The following PSD3 variants were observed in gnomAD, a reference collection of about 807,000 sequenced individuals.
PSD3 encodes the protein pleckstrin and Sec7 domain containing 3.
Under a neutral mutation model 105.5 loss-of-function variants are expected in PSD3, and 49 were observed. The observed-to-expected ratio is 0.46, with a 90% CI of 0.37 to 0.59. The LOEUF (loss-of-function observed/expected upper bound fraction) is 0.59. PSD3 is among the 20% of genes least tolerant of loss of function. The pLI is 0.00. For missense variants in PSD3, 1,561 were observed against 1,263.8 expected (o/e 1.24, Z -3.57); for synonymous variants, 557 against 457.8 (o/e 1.22, Z -2.77).
chr8:18,846,092 A>T (rs1178432862), intron 4 of PSD3, among the ~76,000 whole-genome samples: 3 of 152,218 alleles, frequency 2.0e-5, no homozygotes, highest in Admixed American at 2.0e-4. Context: ...ACCCTGTGGA[A>T]GCAAAAGAAA....
rs112976885 is a variant in PSD3, at chr8:18,785,619, G to T, written c.2082+13676C>A. ...GAATGGCACTTTTAATTTCCTTCAA[G>T]AACTTTTCCTTTACATTACAACTTT... On this transcript the variant is annotated intron_variant, in intron 8 of 15. Transcript: ENST00000327040. 4.7e-3 allele frequency among the ~76,000 whole-genome samples: 715 copies of T among 152,210 alleles called. 7 individuals carry two copies. The highest frequency in any genetic ancestry group is 0.016 in the African/African-American group (670 of 41,520).
intron 9 of PSD3, among the ~76,000 whole-genome samples, chr8:18,702,998 C>T (rs897630778): frequency 8.5e-5 from 13 of 152,098 alleles, no homozygotes; most frequent in East Asian, 1.9e-4. Flanking sequence ...AAATGTCTTT[C>T]TCCATGTCTT....
chr8:18,920,449 C>T (rs184119665), intron 2 of PSD3, among the ~76,000 whole-genome samples: 5 of 152,136 alleles, frequency 3.3e-5, no homozygotes, highest in Non-Finnish European at 4.4e-5. Context: ...ACAGATACAG[C>T]GGTATTGAAA....
intron 15 of PSD3, among the ~76,000 whole-genome samples, chr8:18,555,772 T>C (rs1041661124): frequency 1.1e-4 from 17 of 152,130 alleles, no homozygotes; most frequent in East Asian, 1.9e-4. Flanking sequence ...GAAAAACGCA[T>C]AGTGTTGCCG....
At chr8:18,683,643 C>T in intron 9 of PSD3, 2 of 624,646 alleles carry the variant, frequency 3.2e-6, no homozygotes, top group Non-Finnish European at 5.8e-6. Flanking sequence ...GCACCTGATT[C>T]TCTTAGAACC....
chr8:18,574,561 T>C (rs1328997994), intron 13 of PSD3, among the ~76,000 whole-genome samples: 1 of 152,184 alleles, frequency 6.6e-6, no homozygotes, highest in Non-Finnish European at 1.5e-5. Context: ...CACAGTAGAA[T>C]GACATCTTTT....
At chr8:18,948,683 T>C (rs1247302574) in intron 1 of PSD3, among the ~76,000 whole-genome samples, 1 of 152,202 alleles carries the variant, frequency 6.6e-6, no homozygotes, top group Non-Finnish European at 1.5e-5. Flanking sequence ...AGAAATTGCA[T>C]AAGCATCAGC....
chr8:18,835,185 C>T (rs1814004179), intron 4 of PSD3, among the ~76,000 whole-genome samples: 1 of 152,124 alleles, frequency 6.6e-6, no homozygotes, highest in Non-Finnish European at 1.5e-5. Context: ...TAAGAACCAG[C>T]AATTATATGT....
rs72253853 is a variant in PSD3 at position 18,913,086 on chromosome 8, A to AACACACACACACAC, written c.130+22934_130+22947dup. Among the ~76,000 whole-genome samples, 6 of 130,542 alleles carry AACACACACACACAC rather than the reference A, an allele frequency of 4.6e-5. No individual in the cohort carries two copies. In the South Asian group the frequency reaches 1.6e-3, roughly 34 times the overall value. The allele number at this position is 130,542 out of a possible 152,430, so 85.6% of individuals were successfully genotyped here. ...CTTTATAAACACACACACACACACAAACACACACACACACACACACACACA... is the reference window on the plus strand; with the variant it reads ...CTTTATAAACACACACACACACACAAACACACACACACACACACACACACACACACACACACACA... On this transcript the variant is annotated intron_variant, in intron 2 of 15. Coordinates refer to ENST00000327040, the MANE Select transcript of PSD3 (RefSeq NM_015310.4).
intron 1 of PSD3, among the ~76,000 whole-genome samples, chr8:18,993,320 T>C (rs1825904552): frequency 6.6e-6 from 1 of 152,188 alleles, no homozygotes; most frequent in Non-Finnish European, 1.5e-5. Context: ...CATGATTTTT[T>C]CACCACTCAC....
chr8:18,926,573 T>A (rs1002429074), intron 2 of PSD3, among the ~76,000 whole-genome samples: 2 of 152,092 alleles, frequency 1.3e-5, no homozygotes, highest in Non-Finnish European at 2.9e-5. Flanking sequence ...CACAATGAGA[T>A]ACTACTTCAT....
chr8:18,983,937 C>G (rs375520968), intron 1 of PSD3, among the ~76,000 whole-genome samples: 19 of 149,094 alleles, frequency 1.3e-4, no homozygotes, highest in African/African-American at 4.7e-4. Context: ...CAAAAAAGTT[C>G]AAGATTGCAG....
chr8:18,916,772 G>A (rs1448318060), intron 2 of PSD3, among the ~76,000 whole-genome samples: 1 of 151,796 alleles, frequency 6.6e-6, no homozygotes, highest in Non-Finnish European at 1.5e-5. Context: ...TAAAGAATAT[G>A]TTAATTAATT....
chr8:18,754,584 G>T (rs1805871824), intron 9 of PSD3, among the ~76,000 whole-genome samples: 1 of 151,970 alleles, frequency 6.6e-6, no homozygotes, highest in African/African-American at 2.4e-5. Flanking sequence ...TATGCCAGGG[G>T]GAGGATCAGG....
At position 18,747,814 on chromosome 8, in the gene PSD3, T is replaced by TA. The variant is rs369511609; in HGVS notation, c.2172+17634dup. 4.0e-3 allele frequency among the ~76,000 whole-genome samples: 558 copies of TA among 139,460 alleles called. 6 individuals carry two copies. Among genetic ancestry groups the TA allele is most frequent in the Non-Finnish European group, 6.0e-3 (388 of 64,204 alleles). 91.5% of individuals were successfully genotyped at this position (139,460 alleles called of 152,430 possible). The stretch of plus-strand genomic sequence containing the variant: ...AGGCTATTTTTCTTATCAAAGTGAG[T>TA]AAAAAAAAAAGAAAAAAAAAGACAC... On this transcript the variant is annotated intron_variant, in intron 9 of 15. Coordinates refer to ENST00000327040, the MANE Select transcript of PSD3 (RefSeq NM_015310.4).
chr8:18,989,465 G>A (rs971735390), intron 1 of PSD3: 4 of 151,950 alleles, frequency 2.6e-5, no homozygotes, highest in Admixed American at 6.5e-5. Flanking sequence ...GAGCATCAAA[G>A]AAAAAAGAAA....
intron 1 of PSD3, among the ~76,000 whole-genome samples, chr8:18,990,542 G>C (rs1825735327): frequency 6.6e-6 from 1 of 152,182 alleles, no homozygotes; most frequent in Non-Finnish European, 1.5e-5. Context: ...CCTGGTAACA[G>C]AACACCTTTT....
At chr8:18,744,852 T>C (rs1034376709) in intron 9 of PSD3, among the ~76,000 whole-genome samples, 2 of 152,240 alleles carry the variant, frequency 1.3e-5, no homozygotes, top group African/African-American at 4.8e-5. Flanking sequence ...TACTATGGCT[T>C]CTTAGTCTCC....
At chr8:18,677,335 T>C (rs1800114783) in intron 9 of PSD3, among the ~76,000 whole-genome samples, 1 of 152,142 alleles carries the variant, frequency 6.6e-6, no homozygotes, top group South Asian at 2.1e-4. Flanking sequence ...GCCAGCACTT[T>C]TGGAGGCCAA....
Sources: gnomAD v4.1 joint callset for allele counts (sites outside exome capture counted in the v4.1 genomes callset) on GRCh38, gnomAD v4.1.1 for gene constraint, MANE v1.5 for transcripts, NCBI Gene and HGNC (gene_info 2026-07-23, HGNC 2026-07-21) for gene names.